The following NPNT variants were observed in gnomAD, a reference collection of about 807,000 sequenced individuals.
The protein encoded by NPNT is preosteoblast EGF-like repeat protein with MAM domain.
In NPNT, 45 loss-of-function variants were observed where a neutral mutation model predicts 68.6. The observed-to-expected ratio is 0.66, with a 90% CI of 0.52 to 0.84. NPNT has a LOEUF of 0.84. Ranked by LOEUF, NPNT falls within the 40% of genes least tolerant of loss-of-function variation. The pLI, the probability that NPNT is intolerant of heterozygous loss-of-function variation, is 0.00. For missense variants in NPNT, 672 were observed against 714.8 expected, an observed-to-expected ratio of 0.94 and a Z score of 0.68; for synonymous variants, 233 against 253.3, an observed-to-expected ratio of 0.92 and a Z score of 0.76.
chr4:105,904,514 C>G (rs1726714775), intron 2 of NPNT, among the ~76,000 whole-genome samples: 1 of 152,124 alleles, frequency 6.6e-6, no homozygotes, highest in Non-Finnish European at 1.5e-5. Flanking sequence ...CATCTGTTTC[C>G]CATCAGACCA....
chr4:105,938,687 T>G (rs902169504), intron 5 of NPNT, among the ~76,000 whole-genome samples: 1 of 152,202 alleles, frequency 6.6e-6, no homozygotes, highest in African/African-American at 2.4e-5. Context: ...GCACAATGTT[T>G]AGGGAAACGA....
At chr4:105,920,568 A>AT (rs1049142646) in intron 2 of NPNT, among the ~76,000 whole-genome samples, 31 of 151,410 alleles carry the variant, frequency 2.0e-4, no homozygotes, top group South Asian at 4.2e-4. Flanking sequence ...TGCTCAGAGG[A>AT]TTTTTTTTTA....
rs182014305 is a variant in NPNT, at chr4:105,905,193, T to A, written c.172+7192T>A. ...GATTTTCAGGAAATATTAAGACATT[T>A]TTGTACCAAAATACTTTTTGTAGTG... On this transcript the variant is annotated intron_variant, in intron 2 of 11. Transcript: ENST00000379987. Among the ~76,000 whole-genome samples the A allele has an allele frequency of 1.4e-3, 210 of 152,286 alleles. 1 individual carries two copies. The highest frequency in any genetic ancestry group is 4.8e-3 in the African/African-American group (198 of 41,582).
intron 2 of NPNT, among the ~76,000 whole-genome samples, chr4:105,909,722 G>A (rs1727202316): frequency 6.6e-6 from 1 of 152,126 alleles, no homozygotes; most frequent in Non-Finnish European, 1.5e-5. Flanking sequence ...AATATAGCAT[G>A]AAAATTAAGG....
At chr4:105,896,396 A>G (rs1578558501) in intron 1 of NPNT, among the ~76,000 whole-genome samples, 1 of 151,946 alleles carries the variant, frequency 6.6e-6, no homozygotes, top group Admixed American at 6.5e-5. Context: ...GACAGGTTCC[A>G]ACAACCTCGG....
chr4:105,931,825 G>A (rs748292655), intron 3 of NPNT, among the ~76,000 whole-genome samples: 1 of 151,980 alleles, frequency 6.6e-6, no homozygotes, highest in Non-Finnish European at 1.5e-5. Flanking sequence ...GGGCAACAGA[G>A]CAAGACTCCA....
At chr4:105,910,337 ACTACCTGAGT>A in intron 2 of NPNT, among the ~76,000 whole-genome samples, 1 of 152,298 alleles carries the variant, frequency 6.6e-6, no homozygotes, top group Non-Finnish European at 1.5e-5. Flanking sequence ...AGAATTCTAA[ACTACCTGAGT>A]AGCTTTGCTG....
intron 2 of NPNT, among the ~76,000 whole-genome samples, chr4:105,926,862 C>A (rs1292371306): frequency 6.6e-6 from 1 of 152,038 alleles, no homozygotes; most frequent in Non-Finnish European, 1.5e-5. Context: ...CATTTTGAAT[C>A]CTTTCATACT....
Position 105,897,943 on chromosome 4 carries a change from T to G in NPNT, c.114T>G (p.Tyr38Ter). The G allele has an allele frequency of 6.2e-7, 1 of 1,613,814 alleles. No individual in the cohort carries two copies. Among genetic ancestry groups the G allele is most frequent in the South Asian group, 1.1e-5 (1 of 90,986 alleles). ...QIVSSIGLCR[Y>*]GGRIDCCWGW... ...TGTCATCGATTGGCCTATGTCGTTATGGTGGGAGGATTGACTGCTGCTGGG... is the reference window on the plus strand; with the variant it reads ...TGTCATCGATTGGCCTATGTCGTTAGGGTGGGAGGATTGACTGCTGCTGGG... The change falls in exon 2 of 12, where the codon TAT (tyrosine) becomes TAG (stop). Residue 38 changes from tyrosine to a stop codon, truncating the protein, a stop_gained. Transcript: ENST00000379987. LOFTEE classifies it high-confidence loss of function.
intron 11 of NPNT, among the ~76,000 whole-genome samples, chr4:105,968,543 T>G (rs1361912936): frequency 6.6e-6 from 1 of 152,234 alleles, no homozygotes; most frequent in Admixed American, 6.5e-5. Flanking sequence ...CTTTCAGATC[T>G]TTGGCTCCTA....
intron 2 of NPNT, among the ~76,000 whole-genome samples, chr4:105,898,324 CTCTGTCTCTCT>C (rs1726080610): frequency 1.7e-5 from 2 of 121,118 alleles, no homozygotes; most frequent in South Asian, 4.8e-4. Flanking sequence ...CTCTCTCTCT[CTCTGTCTCTCT>C]CTCTCTCTCT....
chr4:105,942,423 TG>T lies in NPNT; in HGVS notation c.882del (p.Trp294CysfsTer61), dbSNP rs1191281343. ...NNWIPDVGST[W>X]WPPKTPYIPP... is the part of the protein sequence containing the mutation. ...TTGGATTCCTGATGTTGGAAGTACT[TG>T]GTGGCCTCCGAAGACACCATATATT... On this transcript the variant is annotated frameshift_variant, in exon 8 of 12. Coordinates refer to ENST00000379987, the MANE Select transcript of NPNT (RefSeq NM_001033047.3). LOFTEE classifies it high-confidence loss of function. The T allele has an allele frequency of 6.2e-7, 1 of 1,613,766 alleles. No homozygotes were observed. Among genetic ancestry groups the T allele is most frequent in the Non-Finnish European group, 8.5e-7 (1 of 1,179,932 alleles).
At chr4:105,937,243 T>G (rs1729563166) in intron 4 of NPNT, 115 bp downstream of exon 4, 1 of 1,001,410 alleles carries the variant, frequency 1.0e-6, no homozygotes, top group African/African-American at 1.6e-5. Context: ...GATGTGTGCG[T>G]GTGTTTATAC....
At chr4:105,960,449 G>A (rs1391216128) in intron 10 of NPNT, among the ~76,000 whole-genome samples, 1 of 152,064 alleles carries the variant, frequency 6.6e-6, no homozygotes, top group Non-Finnish European at 1.5e-5. Context: ...GGTCCTCAAC[G>A]CACATTTTGA....
rs769905869 is a variant in NPNT at position 105,940,164 on chromosome 4, A to G, written c.595A>G (p.Lys199Glu). The change falls in exon 6 of 12, where the codon AAA (lysine) becomes GAA (glutamate). Residue 199 changes from lysine (K) to glutamate (E), a missense_variant. Transcript: ENST00000379987. ...TGGGAGCTACATCTGCAAGTGTCAT[A>G]AAGGCTTCGATCTCATGTATATTGG... ...TFGSYICKCH[K>E]GFDLMYIGGK... 1.9e-6 allele frequency: 3 copies of G among 1,613,332 alleles called. No homozygotes were observed. The highest frequency in any genetic ancestry group is 2.2e-5 in the South Asian group (2 of 91,080).
intron 10 of NPNT, among the ~76,000 whole-genome samples, chr4:105,964,344 G>T (rs1190658663): frequency 6.6e-6 from 1 of 152,158 alleles, no homozygotes; most frequent in Non-Finnish European, 1.5e-5. Context: ...TCAGACAGTA[G>T]TGCAGTGAAT....
intron 2 of NPNT, among the ~76,000 whole-genome samples, chr4:105,901,807 A>G (rs573420195): frequency 4.0e-4 from 61 of 152,338 alleles, no homozygotes; most frequent in African/African-American, 1.3e-3. Flanking sequence ...GGCTTCAGAT[A>G]AACTTACAGG....
At chr4:105,955,734 CAT>C (rs1731177576) in intron 8 of NPNT, among the ~76,000 whole-genome samples, 1 of 151,874 alleles carries the variant, frequency 6.6e-6, no homozygotes, top group South Asian at 2.1e-4. Context: ...GTGATAATAA[CAT>C]AATACTGCTT....
chr4:105,899,281 C>T (rs1360427427), intron 2 of NPNT, among the ~76,000 whole-genome samples: 1 of 152,136 alleles, frequency 6.6e-6, no homozygotes, highest in Non-Finnish European at 1.5e-5. Context: ...CCAACAGATT[C>T]TAATAACCAA....
Sources: allele counts gnomAD v4.1 joint callset (sites outside exome capture counted in the v4.1 genomes callset), GRCh38; gene constraint gnomAD v4.1.1; transcripts MANE v1.5; gene names NCBI Gene and HGNC (gene_info 2026-07-23, HGNC 2026-07-21).